The following CREB5 variants were observed in gnomAD, a reference collection of about 807,000 sequenced individuals.
CREB5 encodes cyclic AMP-responsive element-binding protein 5.
CREB5 carries 19 observed loss-of-function variants against 57.1 expected under a neutral mutation model. The observed-to-expected ratio is 0.33, with a 90% confidence interval of 0.23 to 0.49. The LOEUF (loss-of-function observed/expected upper bound fraction) is 0.49, where lower values mean the gene tolerates loss of function less well. Among genes scored for constraint, CREB5 ranks in the 20% least tolerant of loss-of-function variants. The pLI, the probability that CREB5 is intolerant of heterozygous loss-of-function variation, is 0.99. For missense variants in CREB5, 579 were observed against 671.6 expected, an observed-to-expected ratio of 0.86 and a Z score of 1.52; for synonymous variants, 238 against 238.3, an observed-to-expected ratio of 1.00 and a Z score of 0.01.
rs549391329 is a variant in CREB5, at chr7:28,673,657, CTTTTTTTTTTTTT to C, written c.465-45079_465-45067del. ...GTTGACATGAAGTTTCTCTCTCTCT[CTTTTTTTTTTTTT>C]TTTTTTTTTTTTTTTTGGAGACATT... On this transcript the variant is annotated intron_variant, in intron 5 of 10. Coordinates refer to ENST00000357727, the MANE Select transcript of CREB5 (RefSeq NM_182898.4). 1.4e-4 allele frequency among the ~76,000 whole-genome samples: 8 copies of C among 55,764 alleles called. No homozygotes were observed. In the East Asian group the frequency reaches 2.1e-3, roughly 14 times the overall value. The allele number at this position is 55,764 out of a possible 152,430, so 36.6% of individuals were successfully genotyped here. A position where few individuals can be genotyped will look rare whatever the true frequency, so the allele number is the denominator to read the frequency against.
chr7:28,707,109 A>G (rs946946546), intron 5 of CREB5, among the ~76,000 whole-genome samples: 1 of 151,936 alleles, frequency 6.6e-6, no homozygotes, highest in African/African-American at 2.4e-5. Context: ...ATAACTGGGG[A>G]CTCACAGTAA....
intron 1 of CREB5, among the ~76,000 whole-genome samples, chr7:28,303,882 C>T (rs1241569198): frequency 1.3e-5 from 2 of 152,048 alleles, no homozygotes; most frequent in Non-Finnish European, 2.9e-5. Context: ...CAAAGAAAAA[C>T]ACACATTTAA....
chr7:28,417,455 C>T (rs919948355), intron 1 of CREB5, among the ~76,000 whole-genome samples: 2 of 151,814 alleles, frequency 1.3e-5, no homozygotes, highest in African/African-American at 4.8e-5. Context: ...TCAATATCCA[C>T]GTGTGGTCGG....
intron 1 of CREB5, among the ~76,000 whole-genome samples, chr7:28,429,255 A>C (rs1458064329): frequency 1.3e-5 from 2 of 151,986 alleles, no homozygotes; most frequent in Non-Finnish European, 2.9e-5. Flanking sequence ...CGAACTCCTG[A>C]CCTCTGGTGA....
rs151328736 is a variant in CREB5 at position 28,504,831 on chromosome 7, G to A, written c.170-2785G>A. 5.3e-3 allele frequency among the ~76,000 whole-genome samples: 813 copies of A among 152,122 alleles called. 4 individuals carry two copies. The highest frequency in any genetic ancestry group is 0.017 in the African/African-American group (710 of 41,444). On this transcript the variant is annotated intron_variant, in intron 3 of 10. Transcript: ENST00000357727. The stretch of plus-strand genomic sequence containing the variant: ...GGGATTTCTTTGACAAGAAAGATTG[G>A]CACCAAAAGGAGTTTAAAAAAACCT...
intron 5 of CREB5, among the ~76,000 whole-genome samples, chr7:28,694,595 A>G (rs1801443819): frequency 1.3e-5 from 2 of 152,284 alleles, no homozygotes; most frequent in Middle Eastern, 3.4e-3. Flanking sequence ...TCGCTTTGTC[A>G]CCCAGTGACA....
chr7:28,707,941 G>A (rs1338131967), intron 5 of CREB5, among the ~76,000 whole-genome samples: 2 of 152,138 alleles, frequency 1.3e-5, no homozygotes, highest in Admixed American at 1.3e-4. Flanking sequence ...TTCCCATTAA[G>A]TCTTCCCTTC....
At chr7:28,797,361 C>T (rs1808108827) in intron 7 of CREB5, among the ~76,000 whole-genome samples, 1 of 152,134 alleles carries the variant, frequency 6.6e-6, no homozygotes, top group Non-Finnish European at 1.5e-5. Flanking sequence ...AATACAACTC[C>T]TTTGTGTTAT....
intron 5 of CREB5, among the ~76,000 whole-genome samples, chr7:28,619,022 T>A (rs1043339443): frequency 6.6e-6 from 1 of 152,190 alleles, no homozygotes; most frequent in African/African-American, 2.4e-5. Context: ...ATAAAGAAAT[T>A]GAGGAATTCG....
At chr7:28,592,413 G>A (rs1003704074) in intron 5 of CREB5, among the ~76,000 whole-genome samples, 1 of 152,140 alleles carries the variant, frequency 6.6e-6, no homozygotes, top group African/African-American at 2.4e-5. Flanking sequence ...AGCAGCAGGC[G>A]CTTTTACTTT....
intron 7 of CREB5, among the ~76,000 whole-genome samples, chr7:28,759,399 C>A (rs1173380143): frequency 1.3e-5 from 2 of 152,112 alleles, no homozygotes; most frequent in African/African-American, 4.8e-5. Flanking sequence ...TTACATGGGG[C>A]TTCTTAGAAA....
Position 28,560,979 on chromosome 7 carries a change from T to C in CREB5, c.292-9386T>C, listed in dbSNP as rs1325832776. On this transcript the variant is annotated intron_variant, in intron 4 of 10. Transcript: ENST00000357727. Reference sequence around the variant, plus strand: ...GTGTGTGCGTGTGTGTGTGCGTGTGTGCGTGCGTGTGTGTGCCTGCGTGTG... The same window carrying C: ...GTGTGTGCGTGTGTGTGTGCGTGTGCGCGTGCGTGTGTGTGCCTGCGTGTG... 3.0e-4 allele frequency among the ~76,000 whole-genome samples: 18 copies of C among 59,852 alleles called. 2 individuals are homozygous for C. The highest frequency in any genetic ancestry group is 9.7e-4 in the East Asian group (3 of 3,108). The allele number at this position is 59,852 out of a possible 152,430, so 39.3% of individuals were successfully genotyped here. A position where few individuals can be genotyped will look rare whatever the true frequency, so the allele number is the denominator to read the frequency against.
chr7:28,429,206 T>C (rs1395419250), intron 1 of CREB5, among the ~76,000 whole-genome samples: 2 of 151,920 alleles, frequency 1.3e-5, no homozygotes, highest in East Asian at 1.9e-4. Context: ...TTTGTATTTT[T>C]GTAGAGATGG....
At chr7:28,681,938 G>A (rs1165098154) in intron 5 of CREB5, among the ~76,000 whole-genome samples, 1 of 152,204 alleles carries the variant, frequency 6.6e-6, no homozygotes, top group Non-Finnish European at 1.5e-5. Context: ...AAGCAGAATT[G>A]ATGACAATAT....
chr7:28,652,522 T>C (rs75888686), intron 5 of CREB5, among the ~76,000 whole-genome samples: 2,254 of 152,328 alleles, frequency 0.015, 41 homozygotes, highest in African/African-American at 0.05. Context: ...GGAAAGAGGC[T>C]AGCCAGAGTG....
intron 4 of CREB5, among the ~76,000 whole-genome samples, chr7:28,554,632 A>G (rs973188445): frequency 6.6e-6 from 1 of 152,264 alleles, no homozygotes; most frequent in Non-Finnish European, 1.5e-5. Flanking sequence ...GTGTAACTCT[A>G]CTGGGCAGCA....
intron 7 of CREB5, among the ~76,000 whole-genome samples, chr7:28,788,711 T>G (rs1807478974): frequency 6.6e-6 from 1 of 152,136 alleles, no homozygotes; most frequent in African/African-American, 2.4e-5. Context: ...GCATGATTCT[T>G]ATTCTACAGG....
At chr7:28,483,085 C>A (rs12671763) in intron 1 of CREB5, among the ~76,000 whole-genome samples, 4,311 of 152,290 alleles carry the variant, frequency 0.028, 171 homozygotes, top group East Asian at 0.2. Context: ...GTCAATTTAT[C>A]CCCCCTCTGG....
At chr7:28,634,490 GT>G (rs1311310749) in intron 5 of CREB5, among the ~76,000 whole-genome samples, 1 of 152,032 alleles carries the variant, frequency 6.6e-6, no homozygotes, top group African/African-American at 2.4e-5. Context: ...TCATGAAACT[GT>G]TTTCATCCTG....
Sources: allele counts gnomAD v4.1 joint callset (sites outside exome capture counted in the v4.1 genomes callset), GRCh38; gene constraint gnomAD v4.1.1; transcripts MANE v1.5; gene names NCBI Gene and HGNC (gene_info 2026-07-23, HGNC 2026-07-21).